The following ADCY5 variants were observed in gnomAD, a reference collection of about 807,000 sequenced individuals.
ADCY5 encodes adenylate cyclase type 5.
In ADCY5, 30 loss-of-function variants were observed where a neutral mutation model predicts 119.7. The observed-to-expected ratio is 0.25, with a 90% confidence interval of 0.19 to 0.34. ADCY5 has a LOEUF of 0.34. Among genes scored for constraint, ADCY5 ranks in the 10% least tolerant of loss-of-function variants. The pLI, the probability that ADCY5 is intolerant of heterozygous loss-of-function variation, is 1.00. For synonymous variants in ADCY5, 753 were observed against 762.2 expected (o/e 0.99, Z 0.20); for missense variants, 1,324 against 1,775.2 (o/e 0.75, Z 4.57).
At chr3:123,433,665 C>T (rs963106072) in intron 1 of ADCY5, among the ~76,000 whole-genome samples, 2 of 152,080 alleles carry the variant, frequency 1.3e-5, no homozygotes, top group African/African-American at 2.4e-5. Context: ...CACCAAGCTT[C>T]GTATCTACTG....
chr3:123,444,260 T>C (rs537965221), intron 1 of ADCY5, among the ~76,000 whole-genome samples: 1 of 152,222 alleles, frequency 6.6e-6, no homozygotes, highest in South Asian at 2.1e-4. Context: ...GCTCCTACTA[T>C]ACCCCAGCGA....
At chr3:123,344,209 T>C (rs1257552237) in intron 3 of ADCY5, among the ~76,000 whole-genome samples, 1 of 152,194 alleles carries the variant, frequency 6.6e-6, no homozygotes, top group Non-Finnish European at 1.5e-5. Context: ...GGAGTTGATT[T>C]ATTTTTCTTG....
At chr3:123,382,087 A>G (rs903159883) in intron 1 of ADCY5, among the ~76,000 whole-genome samples, 1 of 152,136 alleles carries the variant, frequency 6.6e-6, no homozygotes, top group Non-Finnish European at 1.5e-5. Flanking sequence ...GTTCTTCTGA[A>G]TAGGCGGCAG....
At chr3:123,388,125 G>A (rs910727363) in intron 1 of ADCY5, among the ~76,000 whole-genome samples, 11 of 152,188 alleles carry the variant, frequency 7.2e-5, no homozygotes, top group African/African-American at 2.7e-4. Flanking sequence ...AGGAAGTGAT[G>A]TGCTCAGACC....
At chr3:123,381,854 T>C (rs1944043300) in intron 1 of ADCY5, among the ~76,000 whole-genome samples, 1 of 152,160 alleles carries the variant, frequency 6.6e-6, no homozygotes, top group Non-Finnish European at 1.5e-5. Flanking sequence ...TACTCTCTTT[T>C]CAACAAAGCA....
intron 1 of ADCY5, among the ~76,000 whole-genome samples, chr3:123,441,282 T>C (rs1945717097): frequency 6.6e-6 from 1 of 152,204 alleles, no homozygotes; most frequent in Non-Finnish European, 1.5e-5. Flanking sequence ...ATCTGCATTT[T>C]TTCAAAAACT....
intron 1 of ADCY5, among the ~76,000 whole-genome samples, chr3:123,358,745 G>A (rs946127155): frequency 6.6e-6 from 1 of 152,218 alleles, no homozygotes; most frequent in Non-Finnish European, 1.5e-5. Flanking sequence ...AGTCAAAACC[G>A]AGGGGAGATG....
At chr3:123,311,875 T>C (rs1211156294) in intron 12 of ADCY5, among the ~76,000 whole-genome samples, 4 of 152,028 alleles carry the variant, frequency 2.6e-5, no homozygotes, top group African/African-American at 9.7e-5. Context: ...AACAGGCCTC[T>C]GCAGCACAGA....
At chr3:123,403,277 G>A (rs1178568546) in intron 1 of ADCY5, among the ~76,000 whole-genome samples, 1 of 151,782 alleles carries the variant, frequency 6.6e-6, no homozygotes, top group Non-Finnish European at 1.5e-5. Flanking sequence ...CTACCTAGGA[G>A]GCTGAGGTGG....
At chr3:123,425,274 C>A (rs1470962162) in intron 1 of ADCY5, among the ~76,000 whole-genome samples, 1 of 152,212 alleles carries the variant, frequency 6.6e-6, no homozygotes, top group African/African-American at 2.4e-5. Flanking sequence ...ATGGGTCCTG[C>A]CTCACCTAGA....
At chr3:123,321,782 G>A (rs1275164309) in intron 8 of ADCY5, among the ~76,000 whole-genome samples, 1 of 152,196 alleles carries the variant, frequency 6.6e-6, no homozygotes, top group Non-Finnish European at 1.5e-5. Context: ...TCCTCTCCAT[G>A]AGCCAGGGCC....
intron 1 of ADCY5, among the ~76,000 whole-genome samples, chr3:123,415,620 T>C (rs930934765): frequency 6.6e-6 from 1 of 152,184 alleles, no homozygotes; most frequent in Non-Finnish European, 1.5e-5. Context: ...CTCTGTGGCC[T>C]TGGGGAGGAG....
At chr3:123,381,247 C>T (rs1200765783) in intron 1 of ADCY5, among the ~76,000 whole-genome samples, 6 of 152,208 alleles carry the variant, frequency 3.9e-5, no homozygotes, top group African/African-American at 7.2e-5. Context: ...AAGAGGTCTC[C>T]GTCACAGTAC....
chr3:123,383,961 C>T (rs1353786788), intron 1 of ADCY5, among the ~76,000 whole-genome samples: 8 of 150,098 alleles, frequency 5.3e-5, no homozygotes, highest in African/African-American at 9.8e-5. Flanking sequence ...AAGGCACGTG[C>T]GCGCGCGCAC....
At chr3:123,346,931 A>G (rs11708067) in intron 3 of ADCY5, among the ~76,000 whole-genome samples, 29,310 of 151,998 alleles carry the variant, frequency 0.19, 3,061 homozygotes, top group Admixed American at 0.26. Context: ...CAGATTTTGC[A>G]CTCTATTAAT....
intron 1 of ADCY5, chr3:123,416,289 C>A: frequency 1.3e-6 from 2 of 1,536,034 alleles, no homozygotes; most frequent in South Asian, 1.2e-5. Context: ...TACTTCCAGA[C>A]GCTTCCCCAA....
At position 123,332,681 on chromosome 3, in the gene ADCY5, G is replaced by C. The variant is rs375854245; in HGVS notation, c.1407-6C>G. 1.9e-6 allele frequency: 3 copies of C among 1,592,954 alleles called. No homozygotes were observed. In the African/African-American group the frequency reaches 4.0e-5, roughly 21 times the overall value. ...CGATGTCAGCAAACAGGATGCTGGGGGACAGGCAGAGGAGGAAGACCCTGC... is the reference window on the plus strand; with the variant it reads ...CGATGTCAGCAAACAGGATGCTGGGCGACAGGCAGAGGAGGAAGACCCTGC... On this transcript the variant is annotated splice_region_variant and splice_polypyrimidine_tract_variant and intron_variant, in intron 3 of 20. Coordinates refer to ENST00000462833, the MANE Select transcript of ADCY5 (RefSeq NM_183357.3).
At chr3:123,377,929 C>CAAAAAA (rs10662985) in intron 1 of ADCY5, among the ~76,000 whole-genome samples, 1 of 84,546 alleles carries the variant, frequency 1.2e-5, no homozygotes, top group African/African-American at 5.1e-5. Context: ...GACTCCATCT[C>CAAAAAA]AAAAAAAAAA....
chr3:123,356,577 A>G (rs1184223430), intron 1 of ADCY5, among the ~76,000 whole-genome samples: 1 of 152,256 alleles, frequency 6.6e-6, no homozygotes, highest in Non-Finnish European at 1.5e-5. Flanking sequence ...ACAATGGTTC[A>G]GAGGCCTAAC....
Sources: gnomAD v4.1 joint callset for allele counts (sites outside exome capture counted in the v4.1 genomes callset) on GRCh38, gnomAD v4.1.1 for gene constraint, MANE v1.5 for transcripts, NCBI Gene and HGNC (gene_info 2026-07-23, HGNC 2026-07-21) for gene names.